The following TRIM69 variants were observed in gnomAD, a reference collection of about 807,000 sequenced individuals.
TRIM69 encodes the protein tripartite motif containing 69, also known as E3 ubiquitin-protein ligase TRIM69.
TRIM69 carries 29 observed loss-of-function variants against 37.7 expected under a neutral mutation model. The ratio of observed to expected loss-of-function variants is 0.77; its 90% confidence interval spans 0.57 to 1.05. TRIM69 has a LOEUF of 1.05. Among genes scored for constraint, TRIM69 ranks in the 50% least tolerant of loss-of-function variants. TRIM69 has a pLI of 0.00. For missense variants in TRIM69, 596 were observed against 579.9 expected, an observed-to-expected ratio of 1.03 and a Z score of -0.28; for synonymous variants, 209 against 212.4, an observed-to-expected ratio of 0.98 and a Z score of 0.14.
At chr15:44,751,867 T>C (rs1244068161) in intron 1 of TRIM69, among the ~76,000 whole-genome samples, 1 of 152,134 alleles carries the variant, frequency 6.6e-6, no homozygotes, top group African/African-American at 2.4e-5. Flanking sequence ...TACTTCAGCC[T>C]TCCCAGTAGC....
chr15:44,752,326 T>C (rs1438356211), intron 1 of TRIM69, among the ~76,000 whole-genome samples: 2 of 152,222 alleles, frequency 1.3e-5, no homozygotes, highest in Non-Finnish European at 2.9e-5. Context: ...AATTGTTTTA[T>C]CTTCTTGATT....
intron 1 of TRIM69, among the ~76,000 whole-genome samples, chr15:44,746,162 G>A (rs1220771893): frequency 2.0e-5 from 3 of 152,128 alleles, no homozygotes; most frequent in African/African-American, 2.4e-5. Context: ...TAAGTTAACA[G>A]CTAATTTTTC....
intron 6 of TRIM69, among the ~76,000 whole-genome samples, chr15:44,762,603 C>T (rs2087800809): frequency 6.6e-6 from 1 of 151,804 alleles, no homozygotes; most frequent in Non-Finnish European, 1.5e-5. Context: ...TATTGTTATT[C>T]AAGTTCTCAT....
rs929760356 is a variant in TRIM69 at position 44,754,962 on chromosome 15, C to G, written c.69C>G (p.Ile23Met). ...ACTATGTTGAAATGAATGATTCAAT[C>G]ACCCACCTACCCTCTAAAGTGGTGA... The part of the protein sequence containing the change: ...PGDYVEMNDS[I>M]THLPSKVVIQ... The change falls in exon 2 of 7, where the codon ATC becomes ATG. Residue 23 changes from isoleucine (I) to methionine (M), a missense_variant. Physicochemically the swap from Ile to Met is conservative, Grantham distance 10 (BLOSUM62 1). Transcript: ENST00000329464. 3.1e-6 allele frequency: 5 copies of G among 1,614,028 alleles called. No individual in the cohort carries two copies. In the East Asian group the frequency reaches 8.9e-5, roughly 29 times the overall value.
chr15:44,742,190 C>A (rs2087304669), intron 1 of TRIM69, among the ~76,000 whole-genome samples: 1 of 150,412 alleles, frequency 6.6e-6, no homozygotes, highest in Admixed American at 6.6e-5. Context: ...TGTAATCCAG[C>A]ATATAAACAG....
intron 1 of TRIM69, among the ~76,000 whole-genome samples, chr15:44,744,213 A>T (rs1416168090): frequency 1.4e-5 from 2 of 146,764 alleles, no homozygotes; most frequent in Non-Finnish European, 3.0e-5. Flanking sequence ...AGGACAAAAA[A>T]CCAAACACTG....
intron 1 of TRIM69, among the ~76,000 whole-genome samples, chr15:44,745,339 C>T (rs953001125): frequency 8.6e-5 from 13 of 151,914 alleles, no homozygotes; most frequent in Non-Finnish European, 7.4e-5. Context: ...CTACATGTGA[C>T]GAAGAATACA....
chr15:44,758,165 G>T (rs1308261861), intron 3 of TRIM69: 1 of 166,344 alleles, frequency 6.0e-6, no homozygotes, highest in African/African-American at 2.4e-5. Context: ...GGATGTTGAG[G>T]TAACCCAAGG....
Position 44,767,725 on chromosome 15 carries a change from G to A in TRIM69, c.1456G>A (p.Asp486Asn), listed in dbSNP as rs2087933395. ...LYPYFCPCLN[D>N]GGENKEPLHI... ...TCCCTACTTCTGCCCCTGCCTTAATGATGGTGGAGAGAATAAAGAACCATT... is the reference window on the plus strand; with the variant it reads ...TCCCTACTTCTGCCCCTGCCTTAATAATGGTGGAGAGAATAAAGAACCATT... The change falls in exon 7 of 7, where the codon GAT (aspartate) becomes AAT (asparagine). Residue 486 changes from aspartate (D) to asparagine (N), a missense_variant. By Grantham distance (23) the Asp-to-Asn change is conservative (BLOSUM62 1). Coordinates refer to ENST00000329464, the MANE Select transcript of TRIM69 (RefSeq NM_182985.5). The A allele has an allele frequency of 6.2e-7, 1 of 1,613,754 alleles. No individual in the cohort carries two copies. Among genetic ancestry groups the A allele is most frequent in the African/African-American group, 1.3e-5 (1 of 74,918 alleles).
intron 1 of TRIM69, among the ~76,000 whole-genome samples, chr15:44,743,931 T>C (rs1396682186): frequency 1.3e-5 from 2 of 152,152 alleles, no homozygotes; most frequent in African/African-American, 2.4e-5. Flanking sequence ...AGAAATACCA[T>C]TTGACCCAGC....
chr15:44,754,830 C>T lies in TRIM69; in HGVS notation c.7-70C>T, dbSNP rs376964517. 425 of 1,160,114 alleles carry T rather than the reference C, an allele frequency of 3.7e-4. 2 individuals carry two copies. Among genetic ancestry groups the T allele is most frequent in the Middle Eastern group, 3.6e-3 (18 of 4,992 alleles). The allele number at this position is 1,160,114 out of a possible 1,614,324, so 71.9% of individuals were successfully genotyped here. ...CAATTTTCAGCTCCTTTAGGAATGGCGCCATCATCCTGGAGTGTTAAAATG... is the reference window on the plus strand; with the variant it reads ...CAATTTTCAGCTCCTTTAGGAATGGTGCCATCATCCTGGAGTGTTAAAATG... On this transcript the variant is annotated intron_variant, in intron 1 of 6. Transcript: ENST00000329464.
At chr15:44,736,732 T>TC in intron 1 of TRIM69, 22 bp downstream of exon 1, 1 of 1,609,818 alleles carries the variant, frequency 6.2e-7, no homozygotes. Context: ...TTTTTTTTTT[T>TC]AACTTAGCAG....
Position 44,755,370 on chromosome 15 carries a change from C to T in TRIM69, c.477C>T (p.Phe159=), listed in dbSNP as rs1227056251. Residue 159 remains phenylalanine (F), a synonymous_variant, in exon 2 of 7, where the codon TTC becomes TTT. Coordinates refer to ENST00000329464, the MANE Select transcript of TRIM69 (RefSeq NM_182985.5). ...EFLQISDAVH[F]FTEELAIQQG... ...TGCAAATCTCTGATGCTGTCCATTT[C>T]TTCACGGTGGGTGAGCCCTGGGCCT... 1.2e-6 allele frequency: 2 copies of T among 1,611,628 alleles called. No homozygotes were observed. Among genetic ancestry groups the T allele is most frequent in the South Asian group, 1.1e-5 (1 of 91,014 alleles).
chr15:44,744,391 G>C (rs1485929339), intron 1 of TRIM69, among the ~76,000 whole-genome samples: 2 of 149,998 alleles, frequency 1.3e-5, no homozygotes, highest in Non-Finnish European at 3.0e-5. Context: ...CACCAACATG[G>C]CACATGTATA....
intron 1 of TRIM69, among the ~76,000 whole-genome samples, chr15:44,747,724 G>A (rs368848612): frequency 6.6e-6 from 1 of 152,148 alleles, no homozygotes; most frequent in African/African-American, 2.4e-5. Flanking sequence ...GGCTATGTGA[G>A]AAACTATGGA....
chr15:44,759,559 C>A lies in TRIM69; in HGVS notation c.814-81C>A, dbSNP rs146120908. On this transcript the variant is annotated intron_variant, in intron 4 of 6. Coordinates refer to ENST00000329464, the MANE Select transcript of TRIM69 (RefSeq NM_182985.5). ...GAGTTCGGGACCATCTGCACAAATT[C>A]TGGTGGTGGCTGGTATCACCAAAGA... 497 of 1,451,726 alleles carry A rather than the reference C, an allele frequency of 3.4e-4. 1 individual carries two copies. Among genetic ancestry groups the A allele is most frequent in the Non-Finnish European group, 4.6e-4 (482 of 1,047,890 alleles). 89.9% of individuals were successfully genotyped at this position (1,451,726 alleles called of 1,614,324 possible).
intron 1 of TRIM69, among the ~76,000 whole-genome samples, chr15:44,750,715 CTTTTTTTTTTTTTTTTTT>C (rs869059418): frequency 9.7e-6 from 1 of 102,838 alleles, no homozygotes. Context: ...ATTACTTTTT[CTTTTTTTTTTTTTTTTTT>C]TTTTTTTTTG....
chr15:44,761,062 C>T (rs1164940403), intron 6 of TRIM69, among the ~76,000 whole-genome samples: 4 of 151,952 alleles, frequency 2.6e-5, no homozygotes, highest in African/African-American at 7.2e-5. Context: ...GGACTACAGG[C>T]GCCTGCCACC....
intron 1 of TRIM69, among the ~76,000 whole-genome samples, chr15:44,739,238 G>A (rs1186403984): frequency 2.0e-5 from 3 of 152,156 alleles, no homozygotes; most frequent in Non-Finnish European, 4.4e-5. Context: ...AAAAACACAC[G>A]GAGGGGGCAG....
Sources: allele counts gnomAD v4.1 joint callset (sites outside exome capture counted in the v4.1 genomes callset), GRCh38; gene constraint gnomAD v4.1.1; transcripts MANE v1.5; gene names NCBI Gene and HGNC (gene_info 2026-07-23, HGNC 2026-07-21).